Variants in ANKUB1 observed in about 807,000 individuals in gnomAD.
ANKUB1 encodes ankyrin repeat and ubiquitin domain containing 1.
In ANKUB1, 42 loss-of-function variants were observed where a neutral mutation model predicts 49.3. The ratio of observed to expected loss-of-function variants is 0.85; its 90% CI spans 0.67 to 1.10. The LOEUF is 1.10. Ranked by LOEUF, ANKUB1 falls within the 50% of genes least tolerant of loss-of-function variation. The probability of loss-of-function intolerance (pLI) is 0.00; values close to 1 mark genes in which losing one functional copy is unlikely to be tolerated. For missense variants in ANKUB1, 613 were observed against 642.0 expected (o/e 0.95, Z 0.49); for synonymous variants, 222 against 231.0 (o/e 0.96, Z 0.35).
At chr3:149,777,249 A>G (rs1213427027) in intron 3 of ANKUB1, among the ~76,000 whole-genome samples, 9 of 152,174 alleles carry the variant, frequency 5.9e-5, no homozygotes, top group Admixed American at 1.3e-4. Context: ...CAAGGCGGGC[A>G]GATCAGAAGA....
At chr3:149,789,585 C>G (rs1448435408) in intron 2 of ANKUB1, among the ~76,000 whole-genome samples, 1 of 151,062 alleles carries the variant, frequency 6.6e-6, no homozygotes, top group African/African-American at 2.4e-5. Context: ...GATCATTATT[C>G]TGTGACTTGT....
intron 5 of ANKUB1, among the ~76,000 whole-genome samples, chr3:149,766,321 CAATTT>C (rs1315679155): frequency 1.3e-5 from 2 of 152,194 alleles, no homozygotes; most frequent in Non-Finnish European, 2.9e-5. Flanking sequence ...TTTAATCATT[CAATTT>C]GTCATTAATG....
intron 2 of ANKUB1, among the ~76,000 whole-genome samples, chr3:149,784,217 C>A (rs1158874568): frequency 6.6e-6 from 1 of 152,130 alleles, no homozygotes; most frequent in Non-Finnish European, 1.5e-5. Context: ...TATGTTTTGA[C>A]CCCAGCACTT....
intron 2 of ANKUB1, among the ~76,000 whole-genome samples, chr3:149,787,263 T>C (rs1318165164): frequency 6.6e-6 from 1 of 152,208 alleles, no homozygotes; most frequent in Non-Finnish European, 1.5e-5. Context: ...CAGTGGTTTG[T>C]AGTTCTCCTT....
chr3:149,783,462 A>T (rs1717955546), intron 2 of ANKUB1: 1 of 152,258 alleles, frequency 6.6e-6, no homozygotes, highest in Admixed American at 6.5e-5. Context: ...TTTTCAATAA[A>T]AACAAATACG....
chr3:149,790,355 A>G (rs1576686020), intron 2 of ANKUB1, among the ~76,000 whole-genome samples: 1 of 152,118 alleles, frequency 6.6e-6, no homozygotes, highest in Admixed American at 6.6e-5. Flanking sequence ...CTGGATTTGG[A>G]TGTAGAAAAT....
intron 5 of ANKUB1, among the ~76,000 whole-genome samples, chr3:149,762,814 C>T (rs1279686315): frequency 6.6e-6 from 1 of 151,890 alleles, no homozygotes; most frequent in Non-Finnish European, 1.5e-5. Context: ...ATGCAGTCTA[C>T]TTTGCCAGTC....
intron 2 of ANKUB1, among the ~76,000 whole-genome samples, chr3:149,788,007 A>G (rs560397385): frequency 6.6e-6 from 1 of 152,340 alleles, no homozygotes; most frequent in South Asian, 2.1e-4. Context: ...TAGATATGCT[A>G]AAGAGACACA....
intron 2 of ANKUB1, among the ~76,000 whole-genome samples, chr3:149,788,595 T>C (rs75621256): frequency 0.017 from 2,605 of 152,222 alleles, 80 homozygotes; most frequent in African/African-American, 0.059. Context: ...TTTTTATTTA[T>C]AGAATTAGCA....
At chr3:149,772,024 CTTTTTTTTTT>C (rs398062912) in intron 3 of ANKUB1, among the ~76,000 whole-genome samples, 18 of 133,190 alleles carry the variant, frequency 1.4e-4, no homozygotes, top group Non-Finnish European at 2.9e-4. Flanking sequence ...TCCATCCTTC[CTTTTTTTTTT>C]TTTTTTTTTA....
chr3:149,778,827 A>G (rs971847751), intron 3 of ANKUB1: 19 of 152,240 alleles, frequency 1.2e-4, no homozygotes, highest in Non-Finnish European at 2.5e-4. Context: ...CAATAAATGC[A>G]AATTTAGCAG....
At position 149,761,309 on chromosome 3, in the gene ANKUB1, A is replaced by C; in HGVS notation, c.*175T>G. The C allele has an allele frequency of 2.9e-6, 2 of 690,754 alleles. No homozygotes were observed. Among genetic ancestry groups the C allele is most frequent in the Non-Finnish European group, 4.4e-6 (2 of 451,658 alleles). The allele number at this position is 690,754 out of a possible 1,614,324, so 42.8% of individuals were successfully genotyped here. A position where few individuals can be genotyped will look rare whatever the true frequency, so the allele number is the denominator to read the frequency against. Reference sequence around the variant, plus strand: ...TATGCAAAAATAGCACTAAAGTTTCACTTAGTGTGATGAAGTCTGAGAAAA... The same window carrying C: ...TATGCAAAAATAGCACTAAAGTTTCCCTTAGTGTGATGAAGTCTGAGAAAA... On this transcript the variant is annotated 3_prime_UTR_variant, in exon 6 of 6. Transcript: ENST00000446160.
chr3:149,780,029 A>G (rs1044421313), intron 3 of ANKUB1: 1 of 567,352 alleles, frequency 1.8e-6, no homozygotes, highest in Admixed American at 3.0e-5. Context: ...AGGCCAGGAG[A>G]GGGAGGGCAA....
At chr3:149,763,148 T>C (rs901692684) in intron 5 of ANKUB1, among the ~76,000 whole-genome samples, 1 of 152,240 alleles carries the variant, frequency 6.6e-6, no homozygotes, top group East Asian at 1.9e-4. Context: ...TGTGTCTTTC[T>C]GTGCCCTCTA....
At chr3:149,788,577 A>G (rs1043556398) in intron 2 of ANKUB1, among the ~76,000 whole-genome samples, 2 of 151,866 alleles carry the variant, frequency 1.3e-5, no homozygotes, top group Non-Finnish European at 2.9e-5. Context: ...AACCTCTTTT[A>G]CCCCTACTTT....
intron 3 of ANKUB1, among the ~76,000 whole-genome samples, chr3:149,775,034 G>C (rs1379369124): frequency 2.0e-5 from 3 of 152,046 alleles, no homozygotes; most frequent in Non-Finnish European, 1.5e-5. Flanking sequence ...TTAAAAAGAG[G>C]GCCCACAAAA....
At chr3:149,769,529 G>A (rs547427821) in intron 4 of ANKUB1, among the ~76,000 whole-genome samples, 53 of 152,254 alleles carry the variant, frequency 3.5e-4, no homozygotes, top group African/African-American at 1.2e-3. Flanking sequence ...ACCATCATAC[G>A]CTGAAAGTAT....
chr3:149,770,098 A>G (rs78888159), intron 4 of ANKUB1, among the ~76,000 whole-genome samples: 2 of 152,134 alleles, frequency 1.3e-5, no homozygotes, highest in African/African-American at 2.4e-5. Flanking sequence ...TCTTTTCCTT[A>G]TGATTTTCTT....
chr3:149,767,353 T>C lies in ANKUB1; in HGVS notation c.1309A>G (p.Lys437Glu), dbSNP rs865978905. ...QKKITATARK[K>E]EKLIKNTYLP... ...TATGTGTTTTTTATGAGCTTTTCTT[T>C]TTTCCTAGCTGTGGCAGTAATTTTT... The change falls in exon 5 of 6, where the codon AAA becomes GAA. Residue 437 changes from lysine to glutamate, a missense_variant. Lys to Glu is a moderately conservative substitution (Grantham distance 56). Coordinates refer to ENST00000446160, the MANE Select transcript of ANKUB1 (RefSeq NM_001144960.3). The C allele has an allele frequency of 6.5e-7, 1 of 1,549,720 alleles. No homozygotes were observed. Among genetic ancestry groups the C allele is most frequent in the East Asian group, 2.4e-5 (1 of 40,930 alleles).
Sources: gnomAD v4.1 joint callset for allele counts (sites outside exome capture counted in the v4.1 genomes callset) on GRCh38, gnomAD v4.1.1 for gene constraint, MANE v1.5 for transcripts, NCBI Gene and HGNC (gene_info 2026-07-23, HGNC 2026-07-21) for gene names.